Variants in FAM135A observed in about 807,000 individuals in gnomAD.
FAM135A encodes the protein family with sequence similarity 135 member A.
In FAM135A, 79 loss-of-function variants were observed where a neutral mutation model predicts 146.8. The observed-to-expected ratio is 0.54, with a 90% CI of 0.45 to 0.65. The LOEUF (loss-of-function observed/expected upper bound fraction) is 0.65, where lower values mean the gene tolerates loss of function less well. FAM135A is among the 30% of genes least tolerant of loss of function. FAM135A has a pLI of 0.00. For missense variants in FAM135A, 1,623 were observed against 1,758.2 expected, an observed-to-expected ratio of 0.92 and a Z score of 1.38; for synonymous variants, 562 against 603.6, an observed-to-expected ratio of 0.93 and a Z score of 1.01.
Position 70,482,052 on chromosome 6 carries a change from C to G in FAM135A, c.721C>G (p.His241Asp). 6.2e-7 allele frequency: 1 copy of G among 1,613,794 alleles called. No homozygotes were observed. The highest frequency in any genetic ancestry group is 1.1e-5 in the South Asian group (1 of 91,076). ...CTTCCTACATCATGCGTATCGTTTT[C>G]ATTATACACTTTGTGCCACTTTGCT... is the stretch of plus-strand genomic sequence containing the variant. ...DSFLHHAYRF[H>D]YTLCATLLLA... Residue 241 changes from histidine (H) to aspartate (D), a missense_variant, in exon 10 of 22, where the codon CAT (histidine) becomes GAT (aspartate). His to Asp is a moderately conservative substitution (Grantham distance 81). This residue lies in a region of FAM135A where 206 missense variants were observed against 194.7 expected (regional missense o/e 1.06). Transcript: ENST00000418814.
At position 70,538,181 on chromosome 6, in the gene FAM135A, A is replaced by G. The variant is rs573504265; in HGVS notation, c.4118-110A>G. The G allele has an allele frequency of 4.2e-5, 25 of 592,492 alleles. No individual in the cohort carries two copies. In the East Asian group the frequency reaches 5.3e-4, roughly 13 times the overall value. The allele number at this position is 592,492 out of a possible 1,614,324, so 36.7% of individuals were successfully genotyped here. A position where few individuals can be genotyped will look rare whatever the true frequency, so the allele number is the denominator to read the frequency against. ...TTTTTGATTAGCCAACAAAAATGCT[A>G]ATTTAGGCAATGTCATCTTTTGAAG... On this transcript the variant is annotated intron_variant, in intron 19 of 21. Transcript: ENST00000418814.
chr6:70,435,003 C>T (rs1191813170), intron 4 of FAM135A, among the ~76,000 whole-genome samples: 1 of 147,432 alleles, frequency 6.8e-6, no homozygotes, highest in African/African-American at 2.5e-5. Flanking sequence ...CTACAAAGAA[C>T]ATATTATGAT....
intron 11 of FAM135A, among the ~76,000 whole-genome samples, chr6:70,497,225 A>G (rs1479449699): frequency 6.6e-6 from 1 of 152,080 alleles, no homozygotes; most frequent in African/African-American, 2.4e-5. Flanking sequence ...CATCCCTTGC[A>G]ATTTGGATTC....
At chr6:70,445,310 T>G (rs774965490) in intron 4 of FAM135A, among the ~76,000 whole-genome samples, 5 of 152,136 alleles carry the variant, frequency 3.3e-5, no homozygotes, top group Non-Finnish European at 7.3e-5. Flanking sequence ...GTCAAGCCCT[T>G]TAAGAAAGCT....
At chr6:70,553,244 AC>A (rs1397025608) in intron 20 of FAM135A, among the ~76,000 whole-genome samples, 2 of 152,048 alleles carry the variant, frequency 1.3e-5, no homozygotes, top group African/African-American at 4.8e-5. Flanking sequence ...CCCACCTATA[AC>A]TGCACACCAT....
intron 14 of FAM135A, 41 bp downstream of exon 14, chr6:70,524,162 G>A: frequency 6.5e-7 from 1 of 1,540,572 alleles, no homozygotes; most frequent in Non-Finnish European, 8.8e-7. Context: ...TATGTGTATA[G>A]TTTTCAGTAT....
chr6:70,448,825 G>A (rs2128006890), intron 4 of FAM135A, among the ~76,000 whole-genome samples: 1 of 152,376 alleles, frequency 6.6e-6, no homozygotes, highest in Middle Eastern at 3.4e-3. Context: ...GCAGGAGCAT[G>A]TCCTTAAGGC....
intron 5 of FAM135A, among the ~76,000 whole-genome samples, chr6:70,475,010 G>T (rs745790274): frequency 6.6e-6 from 1 of 152,098 alleles, no homozygotes; most frequent in Non-Finnish European, 1.5e-5. Context: ...GGAGACAAAG[G>T]CCAGCCAAAT....
rs1430076426 is a variant in FAM135A at position 70,517,378 on chromosome 6, A to G, written c.1030-5135A>G. Among the ~76,000 whole-genome samples the G allele has an allele frequency of 2.7e-5, 4 of 150,288 alleles. No individual in the cohort carries two copies. In the East Asian group the frequency reaches 7.8e-4, roughly 29 times the overall value. On this transcript the variant is annotated intron_variant, in intron 12 of 21. Coordinates refer to ENST00000418814, the MANE Select transcript of FAM135A (RefSeq NM_001162529.3). ...AAACCTCATCTCTACAAAAAATACA[A>G]CTATTAGCCAGGCATGGTGGTGTGC...
At chr6:70,493,151 A>G (rs1786411320) in intron 11 of FAM135A, among the ~76,000 whole-genome samples, 1 of 152,098 alleles carries the variant, frequency 6.6e-6, no homozygotes, top group East Asian at 1.9e-4. Flanking sequence ...GAAGCTTGAT[A>G]CTGTTTGCGT....
intron 5 of FAM135A, among the ~76,000 whole-genome samples, chr6:70,464,604 A>G (rs1233804196): frequency 6.6e-6 from 1 of 151,836 alleles, no homozygotes; most frequent in Non-Finnish European, 1.5e-5. Context: ...AAAAAGGAAT[A>G]ACAGAACAAT....
intron 4 of FAM135A, among the ~76,000 whole-genome samples, chr6:70,430,507 A>G (rs1046441859): frequency 3.3e-5 from 5 of 152,224 alleles, no homozygotes; most frequent in Admixed American, 2.6e-4. Context: ...TGGACTGTCC[A>G]TATGGCTGAT....
At chr6:70,482,222 A>AAATTGCCTTTTAAAAT in intron 10 of FAM135A, 68 bp downstream of exon 10, 4 of 1,490,704 alleles carry the variant, frequency 2.7e-6, no homozygotes, top group Non-Finnish European at 3.6e-6. Flanking sequence ...ATTGCTAGCT[A>AAATTGCCTTTTAAAAT]TCAGCTTTGC....
chr6:70,509,942 T>G (rs542038981), intron 12 of FAM135A, among the ~76,000 whole-genome samples: 1 of 152,304 alleles, frequency 6.6e-6, no homozygotes, highest in Admixed American at 6.5e-5. Flanking sequence ...TGACGCTGGT[T>G]TGCTATACTG....
At chr6:70,493,181 A>T (rs967087947) in intron 11 of FAM135A, among the ~76,000 whole-genome samples, 1 of 152,120 alleles carries the variant, frequency 6.6e-6, no homozygotes, top group Non-Finnish European at 1.5e-5. Flanking sequence ...TCTTCAAGAT[A>T]TATTAATTGA....
At chr6:70,466,306 C>T (rs1305372558) in intron 5 of FAM135A, among the ~76,000 whole-genome samples, 1 of 152,086 alleles carries the variant, frequency 6.6e-6, no homozygotes, top group African/African-American at 2.4e-5. Flanking sequence ...CCCCTCTTGA[C>T]GTTTGTGTTA....
intron 4 of FAM135A, among the ~76,000 whole-genome samples, chr6:70,442,238 G>GTTTTTTTTTTTTTTTTTTTTT (rs147268217): frequency 1.5e-5 from 2 of 136,410 alleles, no homozygotes; most frequent in African/African-American, 2.8e-5. Context: ...TTTCTTCATG[G>GTTTTTTTTTTTTTTTTTTTTT]GTTTTTTTTT....
At chr6:70,542,191 T>C (rs1456793844) in intron 20 of FAM135A, among the ~76,000 whole-genome samples, 1 of 151,964 alleles carries the variant, frequency 6.6e-6, no homozygotes, top group Non-Finnish European at 1.5e-5. Flanking sequence ...ATTCCATGGA[T>C]AAGAGCATCA....
At chr6:70,455,905 G>T (rs1778266853) in intron 5 of FAM135A, among the ~76,000 whole-genome samples, 1 of 152,140 alleles carries the variant, frequency 6.6e-6, no homozygotes, top group Admixed American at 6.5e-5. Context: ...AGGCTGGAGT[G>T]CAGTGGTGCG....
Sources: gnomAD v4.1 joint callset for allele counts (sites outside exome capture counted in the v4.1 genomes callset) on GRCh38, gnomAD v4.1.1 for gene constraint, gnomAD v4.1.1 regional missense constraint, MANE v1.5 for transcripts, NCBI Gene and HGNC (gene_info 2026-07-23, HGNC 2026-07-21) for gene names.